Variants in HIP1 observed in about 807,000 individuals in gnomAD.
The protein encoded by HIP1 is huntingtin-interacting protein 1.
A neutral mutation model predicts 147.6 loss-of-function variants in HIP1; 65 were observed. The ratio of observed to expected loss-of-function variants is 0.44; its 90% CI spans 0.36 to 0.54. The LOEUF (loss-of-function observed/expected upper bound fraction) is 0.54. Ranked by LOEUF, HIP1 falls within the 20% of genes least tolerant of loss-of-function variation. The pLI is 0.00. For missense variants in HIP1, 1,061 were observed against 1,299.6 expected (o/e 0.82, Z 2.82); for synonymous variants, 479 against 504.0 (o/e 0.95, Z 0.67).
intron 1 of HIP1, among the ~76,000 whole-genome samples, chr7:75,672,936 C>G (rs565106497): frequency 3.2e-4 from 48 of 152,116 alleles, no homozygotes; most frequent in African/African-American, 1.1e-3. Context: ...TTCCATTGCA[C>G]TGTTCTATGT....
chr7:75,674,232 C>T (rs1799815654), intron 1 of HIP1, among the ~76,000 whole-genome samples: 1 of 152,112 alleles, frequency 6.6e-6, no homozygotes, highest in African/African-American at 2.4e-5. Context: ...AAGTTCTAGT[C>T]AATCTTGAAT....
intron 1 of HIP1, among the ~76,000 whole-genome samples, chr7:75,639,424 T>G (rs1554510135): frequency 6.6e-6 from 1 of 150,392 alleles, no homozygotes; most frequent in Non-Finnish European, 1.5e-5. Context: ...GGGAGGCGGG[T>G]TCCCGGGCCA....
intron 1 of HIP1, among the ~76,000 whole-genome samples, chr7:75,695,568 G>GTTT (rs1347699691): frequency 5.0e-5 from 5 of 99,440 alleles, no homozygotes; most frequent in Non-Finnish European, 5.9e-5. Flanking sequence ...AGCGGTACCA[G>GTTT]TTTTTTTTGT....
At chr7:75,671,769 C>T (rs1799735330) in intron 1 of HIP1, among the ~76,000 whole-genome samples, 1 of 103,742 alleles carries the variant, frequency 9.6e-6, no homozygotes, top group Non-Finnish European at 2.0e-5. Context: ...GATGGAGTCT[C>T]GCTCTACCAG....
chr7:75,544,798 T>C lies in HIP1; in HGVS notation c.2663A>G (p.Asp888Gly). Residue 888 changes from aspartate (D) to glycine (G), a missense_variant and splice_region_variant, in exon 27 of 31, where the codon GAT becomes GGT. By Grantham distance (94) the Asp-to-Gly change is moderately conservative (BLOSUM62 -1). Around this residue, in one of 3 missense-constraint regions of HIP1, gnomAD observed 810 missense variants for 946.8 expected, o/e 0.86. Transcript: ENST00000336926. ...AVGWGATVMV[D>G]AADLVVQGRG... is the part of the protein sequence containing the mutation. ...GCCTTGTACCACCAGATCAGCTGCA[T>C]CCCTGATGGAAAACGACAAGAGGGA... is the stretch of plus-strand genomic sequence containing the variant. 6.2e-7 allele frequency: 1 copy of C among 1,600,716 alleles called. No homozygotes were observed. Among genetic ancestry groups the C allele is most frequent in the Non-Finnish European group, 8.6e-7 (1 of 1,167,814 alleles).
chr7:75,570,534 G>A (rs193158014), intron 8 of HIP1, among the ~76,000 whole-genome samples: 2,446 of 150,870 alleles, frequency 0.016, 73 homozygotes, highest in African/African-American at 0.056. Context: ...CTCATGATCC[G>A]CCCACCTCGG....
chr7:75,614,247 C>A (rs1797551979), intron 1 of HIP1, among the ~76,000 whole-genome samples: 1 of 152,194 alleles, frequency 6.6e-6, no homozygotes, highest in South Asian at 2.1e-4. Flanking sequence ...TACTATGTTG[C>A]TCAGGCTGGT....
chr7:75,561,327 A>T lies in HIP1; in HGVS notation c.1191+2T>A. On this transcript the variant is annotated splice_donor_variant, in intron 13 of 30. Transcript: ENST00000336926. LOFTEE classifies it high-confidence loss of function. ...CAAAGGCAGAGCAGATCCAAGTTATACCTCAGTCTTCATGTTTTCTAGCTG... is the reference window on the plus strand; with the variant it reads ...CAAAGGCAGAGCAGATCCAAGTTATTCCTCAGTCTTCATGTTTTCTAGCTG... 2 of 1,591,200 alleles carry T rather than the reference A, an allele frequency of 1.3e-6. No individual in the cohort carries two copies. The highest frequency in any genetic ancestry group is 1.7e-6 in the Non-Finnish European group (2 of 1,159,274).
intron 1 of HIP1, among the ~76,000 whole-genome samples, chr7:75,699,472 C>T (rs1415714892): frequency 1.3e-5 from 2 of 152,072 alleles, no homozygotes; most frequent in African/African-American, 2.4e-5. Flanking sequence ...CAATGTGTTT[C>T]GGCAGATCAG....
chr7:75,603,653 G>A (rs1797099590), intron 1 of HIP1, among the ~76,000 whole-genome samples: 1 of 151,936 alleles, frequency 6.6e-6, no homozygotes, highest in Non-Finnish European at 1.5e-5. Flanking sequence ...TGGGAGGATC[G>A]CTTAAGGCCA....
At chr7:75,728,138 C>T (rs189957712) in intron 1 of HIP1, among the ~76,000 whole-genome samples, 2 of 152,224 alleles carry the variant, frequency 1.3e-5, no homozygotes, top group Admixed American at 6.5e-5. Flanking sequence ...TGCCTTTAAA[C>T]GATAGTGTTA....
chr7:75,547,717 C>A (rs937989458), intron 24 of HIP1, 38 bp downstream of exon 24: 1 of 1,561,532 alleles, frequency 6.4e-7, no homozygotes, highest in African/African-American at 1.4e-5. Flanking sequence ...GAAGACAGAT[C>A]CTGCTCCCCT....
chr7:75,724,495 G>A (rs770806685), intron 1 of HIP1, among the ~76,000 whole-genome samples: 6 of 151,986 alleles, frequency 3.9e-5, no homozygotes, highest in Non-Finnish European at 5.9e-5. Context: ...TGATCTGCCC[G>A]CCTTGCCCTC....
At chr7:75,617,354 C>T (rs1245086646) in intron 1 of HIP1, among the ~76,000 whole-genome samples, 1 of 152,076 alleles carries the variant, frequency 6.6e-6, no homozygotes, top group Non-Finnish European at 1.5e-5. Context: ...GCTGGGATTA[C>T]AAGCGTGAGC....
At chr7:75,567,626 C>A (rs948512919) in intron 9 of HIP1, among the ~76,000 whole-genome samples, 2 of 150,998 alleles carry the variant, frequency 1.3e-5, no homozygotes, top group East Asian at 1.9e-4. Context: ...CATGGTGAAA[C>A]CCTATCTCTA....
chr7:75,644,685 C>T (rs143154546), intron 1 of HIP1, among the ~76,000 whole-genome samples: 3 of 152,240 alleles, frequency 2.0e-5, no homozygotes, highest in East Asian at 3.9e-4. Flanking sequence ...ACAGCAAATA[C>T]GTAGGTTTTA....
chr7:75,587,945 A>G (rs1009696474), intron 4 of HIP1, among the ~76,000 whole-genome samples: 40 of 152,274 alleles, frequency 2.6e-4, no homozygotes, highest in African/African-American at 8.9e-4. Context: ...AGCCTTGGTG[A>G]CAGAGCAAGA....
At chr7:75,672,044 G>A (rs1416100966) in intron 1 of HIP1, among the ~76,000 whole-genome samples, 1 of 151,886 alleles carries the variant, frequency 6.6e-6, no homozygotes, top group Admixed American at 6.6e-5. Context: ...CAATTTTCAT[G>A]TTTTTCTATA....
chr7:75,567,468 T>C (rs1238574551), intron 9 of HIP1, among the ~76,000 whole-genome samples: 1 of 151,504 alleles, frequency 6.6e-6, no homozygotes, highest in Admixed American at 6.6e-5. Flanking sequence ...TAGATTTGCC[T>C]CTGTCTGAGC....
Sources: allele counts gnomAD v4.1 joint callset (sites outside exome capture counted in the v4.1 genomes callset), GRCh38; gene constraint gnomAD v4.1.1; regional missense constraint gnomAD v4.1.1; transcripts MANE v1.5; gene names NCBI Gene and HGNC (gene_info 2026-07-23, HGNC 2026-07-21).